Variants in MAML2 observed in about 807,000 individuals in gnomAD.
MAML2 encodes the protein mastermind-like protein 2.
Under a neutral mutation model 96.1 loss-of-function variants are expected in MAML2, and 22 were observed. The observed-to-expected ratio is 0.23, with a 90% CI of 0.16 to 0.33. The LOEUF (loss-of-function observed/expected upper bound fraction) is 0.33. Among genes scored for constraint, MAML2 ranks in the 10% least tolerant of loss-of-function variants. The pLI is 1.00. For missense variants in MAML2, 1,367 were observed against 1,392.4 expected (o/e 0.98, Z 0.29); for synonymous variants, 561 against 521.3 (o/e 1.08, Z -1.04).
chr11:96,268,660 C>G (rs1366593489), intron 1 of MAML2, among the ~76,000 whole-genome samples: 1 of 152,038 alleles, frequency 6.6e-6, no homozygotes, highest in Non-Finnish European at 1.5e-5. Flanking sequence ...TGGGAGGGAC[C>G]CAGTGGGAGG....
intron 2 of MAML2, among the ~76,000 whole-genome samples, chr11:96,058,678 C>T (rs2135775935): frequency 6.6e-6 from 1 of 152,272 alleles, no homozygotes; most frequent in South Asian, 2.1e-4. Context: ...AAATGGAACC[C>T]AGTTCTTTCT....
chr11:96,054,036 T>A (rs1301726303), intron 2 of MAML2, among the ~76,000 whole-genome samples: 1 of 152,042 alleles, frequency 6.6e-6, no homozygotes, highest in Non-Finnish European at 1.5e-5. Flanking sequence ...GAAAAAAAAA[T>A]GAACAATCTT....
At chr11:96,126,914 T>C (rs997455748) in intron 1 of MAML2, among the ~76,000 whole-genome samples, 1 of 143,018 alleles carries the variant, frequency 7.0e-6, no homozygotes, top group Admixed American at 7.0e-5. Context: ...ATGGGGGGGG[T>C]CAAATGGTAG....
At chr11:96,064,060 G>A (rs1039346314) in intron 2 of MAML2, among the ~76,000 whole-genome samples, 1 of 152,170 alleles carries the variant, frequency 6.6e-6, no homozygotes, top group Non-Finnish European at 1.5e-5. Context: ...GTTGTACAGT[G>A]CCTTCTAACT....
At chr11:96,112,513 C>G (rs1019642310) in intron 1 of MAML2, among the ~76,000 whole-genome samples, 2 of 152,262 alleles carry the variant, frequency 1.3e-5, no homozygotes, top group African/African-American at 4.8e-5. Flanking sequence ...TGCTTCTTGA[C>G]TTACACAAAT....
intron 1 of MAML2, among the ~76,000 whole-genome samples, chr11:96,204,280 C>T (rs1057422669): frequency 4.6e-5 from 7 of 152,194 alleles, no homozygotes; most frequent in African/African-American, 1.7e-4. Context: ...TATTGAGCAC[C>T]TACTACGCGC....
chr11:96,128,805 A>G (rs1471497862), intron 1 of MAML2, among the ~76,000 whole-genome samples: 1 of 152,248 alleles, frequency 6.6e-6, no homozygotes, highest in East Asian at 1.9e-4. Flanking sequence ...TTAGCAATGA[A>G]TGAAGCATAA....
rs75132715 is a variant in MAML2, at chr11:96,188,020, C to T, written c.514-94503G>A. Among the ~76,000 whole-genome samples, 2,188 of 152,262 alleles carry T rather than the reference C, an allele frequency of 0.014. 152 individuals carry two copies. The East Asian group carries it at 0.19, about 13-fold the overall frequency. On this transcript the variant is annotated intron_variant, in intron 1 of 4. Coordinates refer to ENST00000524717, the MANE Select transcript of MAML2 (RefSeq NM_032427.4). The stretch of plus-strand genomic sequence containing the variant: ...GGCCTATGGTTAAATGGAGTTGTCC[C>T]TCTGATGTTTCTGACTTGGCAATGA...
chr11:96,102,047 C>G (rs1859941271), intron 1 of MAML2, among the ~76,000 whole-genome samples: 1 of 152,174 alleles, frequency 6.6e-6, no homozygotes, highest in African/African-American at 2.4e-5. Context: ...GAGGCTGAGG[C>G]AGACGGATCA....
chr11:96,323,903 C>T (rs1863741662), intron 1 of MAML2, among the ~76,000 whole-genome samples: 1 of 152,246 alleles, frequency 6.6e-6, no homozygotes, highest in Non-Finnish European at 1.5e-5. Flanking sequence ...ACATGTGTCA[C>T]TCATAGGCTC....
chr11:96,126,714 G>A (rs1860445116), intron 1 of MAML2, among the ~76,000 whole-genome samples: 1 of 152,210 alleles, frequency 6.6e-6, no homozygotes, highest in South Asian at 2.1e-4. Context: ...TGAAAGCACA[G>A]AGGAGGACAA....
intron 1 of MAML2, among the ~76,000 whole-genome samples, chr11:96,187,870 T>C (rs1046200481): frequency 1.3e-5 from 2 of 152,174 alleles, no homozygotes; most frequent in Non-Finnish European, 2.9e-5. Context: ...TCTGCTCTGA[T>C]ATTTTTCACT....
chr11:96,158,184 T>A (rs1486553129), intron 1 of MAML2, among the ~76,000 whole-genome samples: 1 of 152,060 alleles, frequency 6.6e-6, no homozygotes, highest in Non-Finnish European at 1.5e-5. Flanking sequence ...GCTACAAGAG[T>A]CCTATACACT....
intron 1 of MAML2, among the ~76,000 whole-genome samples, chr11:96,231,928 G>A (rs574214402): frequency 1.8e-3 from 278 of 152,290 alleles, no homozygotes; most frequent in Non-Finnish European, 3.3e-3. Flanking sequence ...GAGTTCTGAT[G>A]CCTCTAACTA....
chr11:95,981,936 G>A (rs1259795464), intron 4 of MAML2, among the ~76,000 whole-genome samples: 1 of 152,140 alleles, frequency 6.6e-6, no homozygotes, highest in Non-Finnish European at 1.5e-5. Context: ...TAAACAACCA[G>A]AATAGAGAGA....
At chr11:96,128,409 A>T (rs570717581) in intron 1 of MAML2, among the ~76,000 whole-genome samples, 49 of 152,242 alleles carry the variant, frequency 3.2e-4, no homozygotes, top group African/African-American at 9.9e-4. Context: ...GGAAAAAAAA[A>T]TACTCCTAGT....
At chr11:96,299,812 G>A (rs990101851) in intron 1 of MAML2, among the ~76,000 whole-genome samples, 2 of 152,134 alleles carry the variant, frequency 1.3e-5, no homozygotes, top group African/African-American at 2.4e-5. Flanking sequence ...GACTTTATAT[G>A]TACTTCCCAG....
intron 1 of MAML2, among the ~76,000 whole-genome samples, chr11:96,100,225 CTTCAAGAAAA>C (rs1232564384): frequency 1.3e-5 from 2 of 152,194 alleles, no homozygotes; most frequent in East Asian, 3.8e-4. Flanking sequence ...ACTTTCACTC[CTTCAAGAAAA>C]CATGTGAGGT....
intron 1 of MAML2, among the ~76,000 whole-genome samples, chr11:96,107,115 C>A (rs1860036200): frequency 6.7e-6 from 1 of 150,252 alleles, no homozygotes; most frequent in Admixed American, 6.7e-5. Context: ...GGTTTGATTT[C>A]TTTGTGTATT....
Sources: allele counts gnomAD v4.1 joint callset (sites outside exome capture counted in the v4.1 genomes callset), GRCh38; gene constraint gnomAD v4.1.1; transcripts MANE v1.5; gene names NCBI Gene and HGNC (gene_info 2026-07-23, HGNC 2026-07-21).